The following DPP3 variants were observed in gnomAD, a reference collection of about 807,000 sequenced individuals.
DPP3 encodes the protein DPP III.
Under a neutral mutation model 89.8 loss-of-function variants are expected in DPP3, and 64 were observed. That is an observed-to-expected ratio of 0.71 (90% confidence interval 0.58 to 0.88). The LOEUF is 0.88. Among genes scored for constraint, DPP3 ranks in the 40% least tolerant of loss-of-function variants. The pLI, the probability that DPP3 is intolerant of heterozygous loss-of-function variation, is 0.00. For missense variants in DPP3, 835 were observed against 972.5 expected (o/e 0.86, Z 1.88); for synonymous variants, 377 against 404.3 (o/e 0.93, Z 0.81).
intron 5 of DPP3, 122 bp downstream of exon 5, chr11:66,487,464 G>A (rs963531139): frequency 3.0e-5 from 30 of 1,014,474 alleles, no homozygotes; most frequent in African/African-American, 2.2e-4. Flanking sequence ...TAGGGAAGGC[G>A]CGACCCCTGC....
In DPP3 at chr11:66,487,904, T is replaced by G. The variant is rs906231848; in HGVS notation, c.574-10T>G. 3.1e-6 allele frequency: 5 copies of G among 1,613,338 alleles called. No individual in the cohort carries two copies. In the African/African-American group the frequency reaches 5.3e-5, roughly 17 times the overall value. The stretch of plus-strand genomic sequence containing the variant: ...ACTTCACTCTTAACCCCTGTCCTGG[T>G]CTCTTCTAGAACCTCAGTGCCTACA... On this transcript the variant is annotated splice_polypyrimidine_tract_variant and intron_variant, in intron 5 of 17. Coordinates refer to ENST00000531863, the MANE Select transcript of DPP3 (RefSeq NM_130443.4).
intron 16 of DPP3, among the ~76,000 whole-genome samples, chr11:66,501,447 G>T (rs138693001): frequency 2.6e-5 from 4 of 152,058 alleles, no homozygotes; most frequent in African/African-American, 9.6e-5. Flanking sequence ...ACACAGCAGT[G>T]AGAAGGGGAA....
chr11:66,492,741 C>G lies in DPP3; in HGVS notation c.1014C>G (p.Ala338=), dbSNP rs199685808. 6.2e-7 allele frequency: 1 copy of G among 1,607,894 alleles called. No homozygotes were observed. Among genetic ancestry groups the G allele is most frequent in the Non-Finnish European group, 8.5e-7 (1 of 1,177,280 alleles). ...FEGFVAVVNK[A]MSAKFERLVA... ...GTTTCGTAGCTGTGGTGAACAAGGC[C>G]ATGAGTGCCAAGTTTGAGCGGCTGG... Residue 338 remains alanine, a synonymous_variant, in exon 10 of 18, where the codon GCC becomes GCG. Transcript: ENST00000531863.
Position 66,509,449 on chromosome 11 carries a change from C to A in DPP3, c.*198C>A. The stretch of plus-strand genomic sequence containing the variant: ...GCCAATTGCTTCCCCTCTGTGATCT[C>A]ATTTCATCTGCACTGCCATACGTGG... On this transcript the variant is annotated 3_prime_UTR_variant, in exon 18 of 18. Transcript: ENST00000531863. The A allele has an allele frequency of 6.6e-7, 1 of 1,510,890 alleles. No homozygotes were observed. The highest frequency in any genetic ancestry group is 1.2e-5 in the South Asian group (1 of 83,308). The allele number at this position is 1,510,890 out of a possible 1,614,324, so 93.6% of individuals were successfully genotyped here.
intron 4 of DPP3, 122 bp from the exon 5 acceptor site, chr11:66,487,146 T>TG: frequency 1.1e-6 from 1 of 877,452 alleles, no homozygotes; most frequent in Non-Finnish European, 1.9e-6. Flanking sequence ...TGGAGGTAGA[T>TG]GGAGGGGTAA....
Position 66,482,298 on chromosome 11 carries a change from A to T in DPP3, c.98A>T (p.Tyr33Phe). ...FRLLSPTERLYAYHLSRAAWY... is the reference protein window; with the variant it reads ...FRLLSPTERLFAYHLSRAAWY... The stretch of plus-strand genomic sequence containing the variant: ...CTGCTGTCACCCACAGAGCGCCTCT[A>T]TGCCTACCACCTGTCCCGTGCCGCC... The change falls in exon 2 of 18, where the codon TAT becomes TTT. Residue 33 changes from tyrosine (Y) to phenylalanine (F), a missense_variant. Transcript: ENST00000531863. 6.2e-7 allele frequency: 1 copy of T among 1,614,098 alleles called. No individual in the cohort carries two copies. The highest frequency in any genetic ancestry group is 1.7e-5 in the Admixed American group (1 of 60,030).
rs746775000 is a variant in DPP3, at chr11:66,482,292, G to A, written c.92G>A (p.Arg31His). The change falls in exon 2 of 18, where the codon CGC (arginine) becomes CAC (histidine). Residue 31 changes from arginine (R) to histidine (H), a missense_variant. Arg to His is a conservative substitution (Grantham distance 29). Transcript: ENST00000531863. ...TTCCGCCTGCTGTCACCCACAGAGCGCCTCTATGCCTACCACCTGTCCCGT... is the reference window on the plus strand; with the variant it reads ...TTCCGCCTGCTGTCACCCACAGAGCACCTCTATGCCTACCACCTGTCCCGT... ...EAFRLLSPTE[R>H]LYAYHLSRAA... The A allele has an allele frequency of 1.3e-5, 21 of 1,613,964 alleles. No individual in the cohort carries two copies. Among genetic ancestry groups the A allele is most frequent in the Admixed American group, 1.7e-5 (1 of 60,002 alleles).
rs1855879098 is a variant in DPP3, at chr11:66,509,117, G to C, written c.2080G>C (p.Ala694Pro). The C allele has an allele frequency of 1.2e-6, 2 of 1,614,076 alleles. No homozygotes were observed. Among genetic ancestry groups the C allele is most frequent in the Non-Finnish European group, 1.7e-6 (2 of 1,180,058 alleles). The change falls in exon 18 of 18, where the codon GCT becomes CCT. Residue 694 changes from alanine (A) to proline (P), a missense_variant. By Grantham distance (27) the Ala-to-Pro change is conservative (BLOSUM62 -1). Coordinates refer to ENST00000531863, the MANE Select transcript of DPP3 (RefSeq NM_130443.4). Reference protein sequence around the residue: ...VQLLEYEASAAGLIRSFSERF... With the variant: ...VQLLEYEASAPGLIRSFSERF... ...GCTTCTGGAATACGAGGCGTCAGCT[G>C]CTGGCCTCATCCGATCCTTCTCTGA...
intron 6 of DPP3, among the ~76,000 whole-genome samples, chr11:66,489,449 T>C (rs1399870081): frequency 6.6e-6 from 1 of 152,054 alleles, no homozygotes; most frequent in Non-Finnish European, 1.5e-5. Context: ...GAGCATCCAC[T>C]GGGGAGATGA....
rs1404689554 is a variant in DPP3, at chr11:66,482,349, T to C, written c.149T>C (p.Leu50Pro). ...AAWYGGLAVL[L>P]QTSPEAPYIY... Reference sequence around the variant, plus strand: ...TGGTACGGAGGCCTGGCTGTGCTGCTTCAGACCTCCCCTGAGGCCCCCTAC... The same window carrying C: ...TGGTACGGAGGCCTGGCTGTGCTGCCTCAGACCTCCCCTGAGGCCCCCTAC... The change falls in exon 2 of 18, where the codon CTT (leucine) becomes CCT (proline). Residue 50 changes from leucine (L) to proline (P), a missense_variant. Leu to Pro is a moderately conservative substitution (Grantham distance 98). Transcript: ENST00000531863. 1 of 1,613,346 alleles carries C rather than the reference T, an allele frequency of 6.2e-7. No individual in the cohort carries two copies.
intron 17 of DPP3, among the ~76,000 whole-genome samples, chr11:66,506,214 A>G (rs1293713894): frequency 6.6e-6 from 1 of 151,788 alleles, no homozygotes; most frequent in South Asian, 2.1e-4. Context: ...AGCCTCCCAA[A>G]GTGCTGGGAT....
At chr11:66,504,931 C>T (rs940966684) in intron 17 of DPP3, 157 bp downstream of exon 17, 1 of 716,054 alleles carries the variant, frequency 1.4e-6, no homozygotes, top group East Asian at 3.2e-5. Flanking sequence ...TGCCAAACCT[C>T]AGGCCCTTAT....
At chr11:66,507,196 G>A (rs1353549354) in intron 17 of DPP3, among the ~76,000 whole-genome samples, 7 of 152,026 alleles carry the variant, frequency 4.6e-5, no homozygotes, top group Non-Finnish European at 1.0e-4. Context: ...GGCCGGGCGC[G>A]GTGACTCACA....
At chr11:66,487,885 C>G in intron 5 of DPP3, 29 bp from the exon 6 acceptor site, 5 of 1,608,872 alleles carry the variant, frequency 3.1e-6, no homozygotes, top group Non-Finnish European at 4.3e-6. Context: ...CCAGACTTCA[C>G]TCTTAACCCC....
At chr11:66,492,570 C>G (rs1325064808) in intron 9 of DPP3, 146 bp from the exon 10 acceptor site, 1 of 957,058 alleles carries the variant, frequency 1.0e-6, no homozygotes, top group Admixed American at 2.7e-5. Context: ...CAGTAGGGCC[C>G]AGGCCTGGGT....
At chr11:66,493,452 TG>T in intron 11 of DPP3, 88 bp from the exon 12 acceptor site, 1 of 1,353,390 alleles carries the variant, frequency 7.4e-7, no homozygotes, top group Non-Finnish European at 1.0e-6. Flanking sequence ...TGCACTGAGA[TG>T]GGTCCATGGC....
chr11:66,502,496 G>A (rs546672566), intron 16 of DPP3, among the ~76,000 whole-genome samples: 26 of 148,858 alleles, frequency 1.7e-4, no homozygotes, highest in Non-Finnish European at 2.8e-4. Context: ...TCGAAACCAA[G>A]TCTCACTCTG....
At chr11:66,484,152 A>G (rs1387081819) in intron 2 of DPP3, among the ~76,000 whole-genome samples, 1 of 151,866 alleles carries the variant, frequency 6.6e-6, no homozygotes, top group Non-Finnish European at 1.5e-5. Flanking sequence ...TAATTTCTGT[A>G]TTTTTAGTAG....
rs1326815078 is a variant in DPP3, at chr11:66,491,511, C to A, written c.816C>A (p.Ser272Arg). The A allele has an allele frequency of 1.2e-6, 2 of 1,609,648 alleles. No homozygotes were observed. Reference sequence around the variant, plus strand: ...CACCTCAGGCCTATGCAGCCAACAGCCACCAGGGGCAGATGCTGGCCCAGT... The same window carrying A: ...CACCTCAGGCCTATGCAGCCAACAGACACCAGGGGCAGATGCTGGCCCAGT... ...LEKAKAYAAN[S>R]HQGQMLAQYI... is the part of the protein sequence containing the mutation. The change falls in exon 8 of 18, where the codon AGC (serine) becomes AGA (arginine). Residue 272 changes from serine to arginine, a missense_variant. Coordinates refer to ENST00000531863, the MANE Select transcript of DPP3 (RefSeq NM_130443.4).
Sources: allele counts gnomAD v4.1 joint callset (sites outside exome capture counted in the v4.1 genomes callset), GRCh38; gene constraint gnomAD v4.1.1; transcripts MANE v1.5; gene names NCBI Gene and HGNC (gene_info 2026-07-23, HGNC 2026-07-21).